Variants in SYNDIG1 observed in about 807,000 individuals in gnomAD.
SYNDIG1 encodes synapse differentiation inducing 1.
Under a neutral mutation model 19.4 loss-of-function variants are expected in SYNDIG1, and 9 were observed. That is an observed-to-expected ratio of 0.46 (90% CI 0.28 to 0.81). The LOEUF (loss-of-function observed/expected upper bound fraction) is 0.81, where lower values mean the gene tolerates loss of function less well. SYNDIG1 is among the 30% of genes least tolerant of loss of function. The pLI, the probability that SYNDIG1 is intolerant of heterozygous loss-of-function variation, is 0.12. For synonymous variants in SYNDIG1, 141 were observed against 145.9 expected, an observed-to-expected ratio of 0.97 and a Z score of 0.24; for missense variants, 311 against 343.3, an observed-to-expected ratio of 0.91 and a Z score of 0.74.
intron 1 of SYNDIG1, among the ~76,000 whole-genome samples, chr20:24,517,440 C>A (rs1264077238): frequency 2.0e-5 from 3 of 149,754 alleles, no homozygotes; most frequent in Non-Finnish European, 4.4e-5. Context: ...ACGGTGAAAC[C>A]CCATCTCTAC....
At chr20:24,470,829 G>C (rs1194297044) in intron 1 of SYNDIG1, among the ~76,000 whole-genome samples, 1 of 152,134 alleles carries the variant, frequency 6.6e-6, no homozygotes, top group Non-Finnish European at 1.5e-5. Context: ...GACTTCAGGT[G>C]CGCACAGTCC....
intron 3 of SYNDIG1, among the ~76,000 whole-genome samples, chr20:24,593,808 A>G (rs2058551883): frequency 6.6e-6 from 1 of 151,882 alleles, no homozygotes; most frequent in Admixed American, 6.6e-5. Flanking sequence ...ATTTTTTCAT[A>G]TGGTTGTTGG....
intron 1 of SYNDIG1, among the ~76,000 whole-genome samples, chr20:24,522,005 A>G (rs140618422): frequency 1.4e-4 from 21 of 152,072 alleles, no homozygotes; most frequent in African/African-American, 4.8e-4. Flanking sequence ...CACTTCTCAG[A>G]GGCAGCTCCT....
At chr20:24,471,549 C>T (rs895471956) in intron 1 of SYNDIG1, among the ~76,000 whole-genome samples, 1 of 149,858 alleles carries the variant, frequency 6.7e-6, no homozygotes, top group Admixed American at 6.7e-5. Context: ...CTCTCTCACC[C>T]TGTCCCCATT....
At position 24,665,681 on chromosome 20, in the gene SYNDIG1, C is replaced by A; in HGVS notation, c.*177C>A. The A allele has an allele frequency of 2.5e-6, 2 of 784,368 alleles. No homozygotes were observed. The highest frequency in any genetic ancestry group is 3.8e-6 in the Non-Finnish European group (2 of 526,162). The allele number at this position is 784,368 out of a possible 1,614,324, so 48.6% of individuals were successfully genotyped here. ...ATCCTTTAATTTCATGTTCACAGCA[C>A]TGTGTAGAGCACCAGACAGACGGGC... On this transcript the variant is annotated 3_prime_UTR_variant, in exon 4 of 4. Coordinates refer to ENST00000376862, the MANE Select transcript of SYNDIG1 (RefSeq NM_024893.3).
chr20:24,517,344 G>C (rs962751226), intron 1 of SYNDIG1, among the ~76,000 whole-genome samples: 9 of 150,604 alleles, frequency 6.0e-5, no homozygotes, highest in South Asian at 4.2e-4. Flanking sequence ...TGCCGGGTGT[G>C]GTGGCTCACG....
chr20:24,559,628 AG>A (rs1405070042), intron 2 of SYNDIG1, among the ~76,000 whole-genome samples: 1 of 152,198 alleles, frequency 6.6e-6, no homozygotes, highest in Non-Finnish European at 1.5e-5. Flanking sequence ...TCCAGCCTGA[AG>A]GCTTCTTTCA....
chr20:24,645,997 C>G (rs1159368520), intron 3 of SYNDIG1, among the ~76,000 whole-genome samples: 1 of 152,154 alleles, frequency 6.6e-6, no homozygotes, highest in South Asian at 2.1e-4. Context: ...GTAACCTTGT[C>G]CCACACAGAG....
chr20:24,568,785 G>T (rs1187670116), intron 2 of SYNDIG1, among the ~76,000 whole-genome samples: 1 of 152,208 alleles, frequency 6.6e-6, no homozygotes, highest in African/African-American at 2.4e-5. Flanking sequence ...GCCGAAGAAA[G>T]GCAGGAGGCA....
At chr20:24,586,920 T>C (rs1164498809) in intron 3 of SYNDIG1, among the ~76,000 whole-genome samples, 2 of 152,158 alleles carry the variant, frequency 1.3e-5, no homozygotes, top group East Asian at 3.9e-4. Flanking sequence ...AGCGTCTCTA[T>C]CCAAAAGATC....
At chr20:24,601,530 G>C (rs1307276866) in intron 3 of SYNDIG1, among the ~76,000 whole-genome samples, 1 of 152,034 alleles carries the variant, frequency 6.6e-6, no homozygotes, top group African/African-American at 2.4e-5. Context: ...GTTATGGCAA[G>C]TTATATTTTT....
chr20:24,527,073 T>G (rs2057138881), intron 1 of SYNDIG1, among the ~76,000 whole-genome samples: 1 of 152,220 alleles, frequency 6.6e-6, no homozygotes, highest in Non-Finnish European at 1.5e-5. Flanking sequence ...GTAGCGTCCT[T>G]TGAGGTGCGG....
intron 3 of SYNDIG1, among the ~76,000 whole-genome samples, chr20:24,609,727 A>C (rs144656852): frequency 6.6e-6 from 1 of 152,288 alleles, no homozygotes; most frequent in African/African-American, 2.4e-5. Context: ...CAAAGTCACT[A>C]GCACAACTGT....
intron 2 of SYNDIG1, among the ~76,000 whole-genome samples, chr20:24,581,466 C>G (rs2058321847): frequency 6.6e-6 from 1 of 152,094 alleles, no homozygotes; most frequent in African/African-American, 2.4e-5. Flanking sequence ...CAGCCTGGCT[C>G]TGCTGCTTTC....
At chr20:24,509,038 T>C (rs530906402) in intron 1 of SYNDIG1, among the ~76,000 whole-genome samples, 11 of 152,346 alleles carry the variant, frequency 7.2e-5, no homozygotes, top group African/African-American at 2.4e-4. Flanking sequence ...GCCTTAAACA[T>C]AAACCTCCCT....
chr20:24,548,597 T>C (rs957519736), intron 2 of SYNDIG1, among the ~76,000 whole-genome samples: 1 of 151,990 alleles, frequency 6.6e-6, no homozygotes, highest in Non-Finnish European at 1.5e-5. Flanking sequence ...AGAGAAAGAG[T>C]TCAGAAAATA....
chr20:24,587,325 T>C (rs1233607728), intron 3 of SYNDIG1, among the ~76,000 whole-genome samples: 1 of 152,166 alleles, frequency 6.6e-6, no homozygotes, highest in African/African-American at 2.4e-5. Flanking sequence ...TAAAGATACC[T>C]GTGGAGCTGA....
intron 1 of SYNDIG1, among the ~76,000 whole-genome samples, chr20:24,507,808 A>G (rs1157173199): frequency 6.6e-6 from 1 of 152,242 alleles, no homozygotes; most frequent in Non-Finnish European, 1.5e-5. Flanking sequence ...CCTCCTGTCC[A>G]GGACATGCTA....
In SYNDIG1 at chr20:24,599,814, T is replaced by C. The variant is rs182059885; in HGVS notation, c.618+14821T>C. The stretch of plus-strand genomic sequence containing the variant: ...TGGAGATAGAGAGTGGAAAGATAGA[T>C]AACAGAGACTGGGAAGAGTGAGTAG... On this transcript the variant is annotated intron_variant, in intron 3 of 3. Transcript: ENST00000376862. Among the ~76,000 whole-genome samples, 704 of 152,292 alleles carry C rather than the reference T, an allele frequency of 4.6e-3. 5 individuals are homozygous for C. Among genetic ancestry groups the C allele is most frequent in the Non-Finnish European group, 6.5e-3 (445 of 68,020 alleles).
Sources: gnomAD v4.1 joint callset for allele counts (sites outside exome capture counted in the v4.1 genomes callset) on GRCh38, gnomAD v4.1.1 for gene constraint, MANE v1.5 for transcripts, NCBI Gene and HGNC (gene_info 2026-07-23, HGNC 2026-07-21) for gene names.